Variants in CAND1 observed in about 807,000 individuals in gnomAD.
The protein encoded by CAND1 is cullin associated and neddylation dissociated 1, also known as cullin-associated NEDD8-dissociated protein 1.
CAND1 carries 7 observed loss-of-function variants against 108.5 expected under a neutral mutation model. The ratio of observed to expected loss-of-function variants is 0.06; its 90% CI spans 0.04 to 0.12. CAND1 has a LOEUF of 0.12. Among genes scored for constraint, CAND1 ranks in the 10% least tolerant of loss-of-function variants. CAND1 has a pLI of 1.00. For missense variants in CAND1, 941 were observed against 1,448.7 expected (o/e 0.65, Z 5.69); for synonymous variants, 534 against 512.0 (o/e 1.04, Z -0.58).
intron 8 of CAND1, among the ~76,000 whole-genome samples, chr12:67,303,992 CTTT>C (rs397849975): frequency 1.4e-5 from 2 of 138,546 alleles, no homozygotes; most frequent in African/African-American, 2.7e-5. Flanking sequence ...CTTTCTTTCT[CTTT>C]TTTTTTTTTT....
chr12:67,288,368 TCCAC>T (rs948140346), intron 2 of CAND1, among the ~76,000 whole-genome samples: 9 of 152,070 alleles, frequency 5.9e-5, no homozygotes, highest in Non-Finnish European at 1.2e-4. Context: ...CCTCAAGTAA[TCCAC>T]CCACCTCCGC....
At chr12:67,309,547 A>G (rs920888550) in intron 11 of CAND1, among the ~76,000 whole-genome samples, 1 of 151,980 alleles carries the variant, frequency 6.6e-6, no homozygotes, top group African/African-American at 2.4e-5. Context: ...TTAGTGAACT[A>G]CAAGGAGAAT....
At chr12:67,303,648 T>TG (rs1322187872) in intron 8 of CAND1, among the ~76,000 whole-genome samples, 3 of 152,214 alleles carry the variant, frequency 2.0e-5, no homozygotes, top group African/African-American at 7.2e-5. Flanking sequence ...ACTCTGTACT[T>TG]GCTTTGCTGT....
chr12:67,298,744 C>T (rs937519837), intron 6 of CAND1, among the ~76,000 whole-genome samples: 1 of 152,062 alleles, frequency 6.6e-6, no homozygotes, highest in African/African-American at 2.4e-5. Flanking sequence ...GGGAGTTCAT[C>T]TTAAAATTGA....
At chr12:67,292,473 T>C (rs1455703049) in intron 2 of CAND1, 149 bp from the exon 3 acceptor site, 4 of 516,198 alleles carry the variant, frequency 7.7e-6, no homozygotes, top group Non-Finnish European at 1.3e-5. Flanking sequence ...CACAATTTTT[T>C]ATGTCATTTG....
intron 1 of CAND1, among the ~76,000 whole-genome samples, chr12:67,281,334 AAAAAG>A (rs770351142): frequency 6.6e-6 from 1 of 151,636 alleles, no homozygotes; most frequent in Non-Finnish European, 1.5e-5. Flanking sequence ...CCTCTACAAA[AAAAAG>A]AGAATGAAAA....
chr12:67,277,532 AG>A (rs1411921383), intron 1 of CAND1, among the ~76,000 whole-genome samples: 1 of 152,230 alleles, frequency 6.6e-6, no homozygotes, highest in East Asian at 1.9e-4. Context: ...AAGAGCGCCA[AG>A]AAAAAGCACA....
intron 1 of CAND1, among the ~76,000 whole-genome samples, chr12:67,281,618 A>C (rs2044620788): frequency 6.6e-6 from 1 of 152,216 alleles, no homozygotes; most frequent in African/African-American, 2.4e-5. Context: ...TTTGAGATCA[A>C]GACTGACCTG....
Position 67,315,113 on chromosome 12 carries a change from T to C in CAND1, c.*2283T>C, listed in dbSNP as rs921675950. 1 of 152,258 alleles carries C rather than the reference T, an allele frequency of 6.6e-6. No individual in the cohort carries two copies. The highest frequency in any genetic ancestry group is 2.4e-5 in the African/African-American group (1 of 41,466). The allele number at this position is 152,258 out of a possible 1,614,324, so 9.4% of individuals were successfully genotyped here. A position where few individuals can be genotyped will look rare whatever the true frequency, so the allele number is the denominator to read the frequency against. On this transcript the variant is annotated 3_prime_UTR_variant, in exon 15 of 15. Transcript: ENST00000545606. ...ATACAAAACCAAGCTGTTTACTGAT[T>C]TTCATGAGAACATTTAAGTTAGTTT...
chr12:67,280,234 G>A (rs1338599720), intron 1 of CAND1, among the ~76,000 whole-genome samples: 3 of 152,188 alleles, frequency 2.0e-5, no homozygotes. Context: ...AAAAGTAATT[G>A]TGGTTTTTAC....
chr12:67,302,881 A>T (rs2044839705), intron 8 of CAND1, among the ~76,000 whole-genome samples: 1 of 152,226 alleles, frequency 6.6e-6, no homozygotes, highest in South Asian at 2.1e-4. Flanking sequence ...GAGAAGTCTT[A>T]GAGCTGTGGA....
rs371605912 is a variant in CAND1 at position 67,274,728 on chromosome 12, A to G, written c.68+4943A>G. On this transcript the variant is annotated intron_variant, in intron 1 of 14. Transcript: ENST00000545606. ...CATTTTGGAATGCAAGTTTTTCCCA[A>G]TTTGATAAAGGTTTATATTACCAGA... Among the ~76,000 whole-genome samples the G allele has an allele frequency of 6.6e-5, 10 of 152,334 alleles. No homozygotes were observed. In the South Asian group the frequency reaches 1.9e-3, roughly 28 times the overall value.
intron 7 of CAND1, among the ~76,000 whole-genome samples, chr12:67,301,507 GGT>G (rs1354102783): frequency 6.6e-6 from 1 of 152,012 alleles, no homozygotes; most frequent in Non-Finnish European, 1.5e-5. Context: ...TAAACCTGAT[GGT>G]GTTAGAAAGA....
At chr12:67,279,886 AG>A (rs2044604146) in intron 1 of CAND1, among the ~76,000 whole-genome samples, 1 of 152,180 alleles carries the variant, frequency 6.6e-6, no homozygotes, top group Non-Finnish European at 1.5e-5. Flanking sequence ...CTGGCACTGC[AG>A]TGGTTCTTAG....
intron 2 of CAND1, among the ~76,000 whole-genome samples, chr12:67,284,705 T>TAC (rs138518839): frequency 0.5 from 56,347 of 112,144 alleles, 14,109 homozygotes; most frequent in Middle Eastern, 0.54. Flanking sequence ...CACATGCATG[T>TAC]ACACACACAC....
chr12:67,303,802 T>G (rs1007849578), intron 8 of CAND1, among the ~76,000 whole-genome samples: 11 of 152,082 alleles, frequency 7.2e-5, no homozygotes, highest in African/African-American at 2.7e-4. Flanking sequence ...GTAGCTACAT[T>G]TGAAGTGAGG....
At chr12:67,293,768 A>C (rs901223813) in intron 3 of CAND1, among the ~76,000 whole-genome samples, 5 of 152,132 alleles carry the variant, frequency 3.3e-5, no homozygotes, top group Non-Finnish European at 7.4e-5. Flanking sequence ...AAAAATAAAA[A>C]AACAAAAAAA....
chr12:67,293,265 A>G (rs2044738238), intron 3 of CAND1: 1 of 153,436 alleles, frequency 6.5e-6, no homozygotes, highest in South Asian at 2.0e-4. Context: ...GTAATTAAAC[A>G]AATTTAAAAC....
chr12:67,297,904 G>A (rs2044785853), intron 6 of CAND1, 51 bp downstream of exon 6: 2 of 1,011,226 alleles, frequency 2.0e-6, no homozygotes, highest in Non-Finnish European at 3.0e-6. Context: ...CTTAAGAGTA[G>A]AATCATAAGG....
Sources: gnomAD v4.1 joint callset for allele counts (sites outside exome capture counted in the v4.1 genomes callset) on GRCh38, gnomAD v4.1.1 for gene constraint, MANE v1.5 for transcripts, NCBI Gene and HGNC (gene_info 2026-07-23, HGNC 2026-07-21) for gene names.